The following SGCZ variants were observed in gnomAD, a reference collection of about 807,000 sequenced individuals.
SGCZ encodes sarcoglycan zeta, also known as zeta-sarcoglycan.
A neutral mutation model predicts 41.3 loss-of-function variants in SGCZ; 40 were observed. The observed-to-expected ratio is 0.97, with a 90% CI of 0.75 to 1.26. SGCZ has a LOEUF of 1.26. SGCZ is among the 50% of genes most tolerant of loss of function. SGCZ has a pLI of 0.00. For missense variants in SGCZ, 552 were observed against 369.8 expected, an observed-to-expected ratio of 1.49 and a Z score of -4.04; for synonymous variants, 206 against 137.5, an observed-to-expected ratio of 1.50 and a Z score of -3.49.
intron 2 of SGCZ, among the ~76,000 whole-genome samples, chr8:14,509,693 C>T (rs1163529430): frequency 2.0e-5 from 3 of 152,126 alleles, no homozygotes; most frequent in Non-Finnish European, 4.4e-5. Context: ...CACTTTCACA[C>T]TGCTATAAAG....
At chr8:14,951,454 T>C (rs1585406566) in intron 1 of SGCZ, among the ~76,000 whole-genome samples, 1 of 152,074 alleles carries the variant, frequency 6.6e-6, no homozygotes. Flanking sequence ...TAATAACTTA[T>C]TCTTAAATAC....
chr8:14,479,178 G>A (rs1294391766), intron 2 of SGCZ, among the ~76,000 whole-genome samples: 2 of 152,202 alleles, frequency 1.3e-5, no homozygotes, highest in African/African-American at 2.4e-5. Context: ...AACCTCAAAA[G>A]TAGTGAAGCC....
At chr8:14,496,774 T>C (rs537655962) in intron 2 of SGCZ, among the ~76,000 whole-genome samples, 5 of 152,324 alleles carry the variant, frequency 3.3e-5, no homozygotes, top group Admixed American at 2.6e-4. Flanking sequence ...GGTTCTTTAC[T>C]CTTAAAGAAT....
intron 1 of SGCZ, among the ~76,000 whole-genome samples, chr8:14,677,050 T>A (rs927310812): frequency 6.6e-6 from 1 of 151,924 alleles, no homozygotes; most frequent in African/African-American, 2.4e-5. Flanking sequence ...GACATAATTG[T>A]CTATGTAGAA....
rs10639083 is a variant in SGCZ at position 14,693,293 on chromosome 8, CT to C, written c.40-138368del. ...ATTTCAAAAAAGATTAATTGAATAC[CT>C]TTTTTTTTTTTCCCCCAGATGAAAT... On this transcript the variant is annotated intron_variant, in intron 1 of 7. Transcript: ENST00000382080. Among the ~76,000 whole-genome samples the C allele has an allele frequency of 2.6e-3, 380 of 146,282 alleles. 1 individual carries two copies. The highest frequency in any genetic ancestry group is 6.9e-3 in the African/African-American group (274 of 39,798).
intron 1 of SGCZ, among the ~76,000 whole-genome samples, chr8:14,696,709 A>G (rs1808974620): frequency 6.6e-6 from 1 of 151,774 alleles, no homozygotes; most frequent in African/African-American, 2.4e-5. Context: ...CCATTGTCTC[A>G]TTTTGTCTTG....
At chr8:14,226,116 A>ATTCCCCAC (rs1178788720) in intron 4 of SGCZ, among the ~76,000 whole-genome samples, 2 of 152,064 alleles carry the variant, frequency 1.3e-5, no homozygotes, top group Non-Finnish European at 2.9e-5. Context: ...TACAGGATAA[A>ATTCCCCAC]TTCCCCACTG....
intron 1 of SGCZ, among the ~76,000 whole-genome samples, chr8:15,117,813 G>A (rs1807328305): frequency 6.6e-6 from 1 of 152,086 alleles, no homozygotes; most frequent in Admixed American, 6.6e-5. Flanking sequence ...ACTTGTAACT[G>A]GCAGGCTAAG....
intron 2 of SGCZ, among the ~76,000 whole-genome samples, chr8:14,468,286 A>C (rs533728939): frequency 1.3e-5 from 2 of 152,098 alleles, no homozygotes; most frequent in African/African-American, 4.8e-5. Flanking sequence ...AGATCCTTCA[A>C]ATAAATTAGA....
At chr8:14,972,837 A>C (rs550169693) in intron 1 of SGCZ, among the ~76,000 whole-genome samples, 23 of 152,296 alleles carry the variant, frequency 1.5e-4, no homozygotes, top group Admixed American at 2.6e-4. Flanking sequence ...CATGCTATAA[A>C]TTCTACTCTA....
intron 5 of SGCZ, among the ~76,000 whole-genome samples, chr8:14,118,432 T>C (rs1802592375): frequency 6.6e-6 from 1 of 152,070 alleles, no homozygotes; most frequent in East Asian, 1.9e-4. Context: ...TTCTTGTAAA[T>C]TTAAGTTCTT....
chr8:15,167,231 A>G (rs1239821544), intron 1 of SGCZ, among the ~76,000 whole-genome samples: 1 of 152,228 alleles, frequency 6.6e-6, no homozygotes, highest in Non-Finnish European at 1.5e-5. Context: ...AACAGAACAC[A>G]ATTGGAGAAA....
rs57164551 is a variant in SGCZ at position 14,640,649 on chromosome 8, G to GGGGT, written c.40-85724_40-85723insACCC. On this transcript the variant is annotated intron_variant, in intron 1 of 7. Transcript: ENST00000382080. Reference sequence around the variant, plus strand: ...ATATATGTGCAAACATATATATAGGGGTGTGTGTGTGTGTGTGTGTGTGTA... The same window carrying GGGGT: ...ATATATGTGCAAACATATATATAGGGGGGTGTGTGTGTGTGTGTGTGTGTGTGTA... Among the ~76,000 whole-genome samples the GGGGT allele has an allele frequency of 6.0e-5, 9 of 149,990 alleles. No homozygotes were observed. The East Asian group carries it at 7.9e-4, about 13-fold the overall frequency.
At chr8:15,157,904 G>C (rs1183987096) in intron 1 of SGCZ, among the ~76,000 whole-genome samples, 3 of 152,184 alleles carry the variant, frequency 2.0e-5, no homozygotes, top group Admixed American at 6.5e-5. Context: ...ATCTGGCCTT[G>C]TTGTTCCTCC....
intron 7 of SGCZ, among the ~76,000 whole-genome samples, chr8:14,093,909 T>C (rs1358515912): frequency 6.6e-6 from 1 of 152,104 alleles, no homozygotes; most frequent in Non-Finnish European, 1.5e-5. Flanking sequence ...CATTCATTGT[T>C]TGTTTCTTCT....
At chr8:14,752,809 G>A (rs971764965) in intron 1 of SGCZ, among the ~76,000 whole-genome samples, 1 of 152,172 alleles carries the variant, frequency 6.6e-6, no homozygotes, top group African/African-American at 2.4e-5. Context: ...TTATACTGGG[G>A]AGATGATGCT....
Position 14,341,528 on chromosome 8 carries a change from C to A in SGCZ, c.235-17324G>T, listed in dbSNP as rs140293999. Reference sequence around the variant, plus strand: ...GCTAGCTAGGTTTGAAGTGACAAGACGCTGAAAATCAGAGATGTTTATCTT... The same window carrying A: ...GCTAGCTAGGTTTGAAGTGACAAGAAGCTGAAAATCAGAGATGTTTATCTT... On this transcript the variant is annotated intron_variant, in intron 2 of 7. Coordinates refer to ENST00000382080, the MANE Select transcript of SGCZ (RefSeq NM_139167.4). Among the ~76,000 whole-genome samples the A allele has an allele frequency of 2.0e-5, 3 of 152,066 alleles. 1 individual carries two copies. Among genetic ancestry groups the A allele is most frequent in the Admixed American group, 2.0e-4 (3 of 15,264 alleles).
intron 2 of SGCZ, among the ~76,000 whole-genome samples, chr8:14,437,795 G>A (rs1800135902): frequency 6.6e-6 from 1 of 151,168 alleles, no homozygotes. Flanking sequence ...TACATTTTGT[G>A]CATTCAACAT....
At chr8:14,970,312 C>G (rs1175271216) in intron 1 of SGCZ, among the ~76,000 whole-genome samples, 2 of 152,108 alleles carry the variant, frequency 1.3e-5, no homozygotes, top group African/African-American at 4.8e-5. Flanking sequence ...TCTTGTCTTT[C>G]ATCCTTATTA....
Sources: gnomAD v4.1 joint callset for allele counts (sites outside exome capture counted in the v4.1 genomes callset) on GRCh38, gnomAD v4.1.1 for gene constraint, MANE v1.5 for transcripts, NCBI Gene and HGNC (gene_info 2026-07-23, HGNC 2026-07-21) for gene names.